ZNF654: variants seen among roughly 807,000 people sequenced by gnomAD.
The protein encoded by ZNF654 is melanoma-associated antigen.
Under a neutral mutation model 95.3 loss-of-function variants are expected in ZNF654, and 19 were observed. That is an observed-to-expected ratio of 0.20 (90% CI 0.14 to 0.29). The LOEUF is 0.29. Ranked by LOEUF, ZNF654 falls within the 10% of genes least tolerant of loss-of-function variation. The pLI is 1.00. For synonymous variants in ZNF654, 413 were observed against 457.9 expected (o/e 0.90, Z 1.25); for missense variants, 1,046 against 1,341.0 (o/e 0.78, Z 3.44).
At chr3:88,119,121 A>G (rs1453682643) in intron 3 of ZNF654, among the ~76,000 whole-genome samples, 3 of 148,738 alleles carry the variant, frequency 2.0e-5, no homozygotes, top group African/African-American at 7.5e-5. Context: ...AATAGCAAAG[A>G]CTTGGAACCA....
chr3:88,117,017 G>A (rs950897530), intron 3 of ZNF654, among the ~76,000 whole-genome samples: 13 of 152,210 alleles, frequency 8.5e-5, no homozygotes, highest in African/African-American at 2.9e-4. Flanking sequence ...GATCTGTTAC[G>A]TTTTTGCTGA....
intron 1 of ZNF654, 83 bp from the exon 2 acceptor site, chr3:88,086,174 A>G (rs905190619): frequency 1.6e-5 from 20 of 1,289,670 alleles, no homozygotes; most frequent in Non-Finnish European, 1.9e-5. Flanking sequence ...ATTTTAATTT[A>G]TCCAGTAACT....
chr3:88,140,539 A>G lies in ZNF654; in HGVS notation c.2870A>G (p.Asp957Gly), dbSNP rs1165546714. The G allele has an allele frequency of 1.9e-6, 3 of 1,613,790 alleles. No individual in the cohort carries two copies. The highest frequency in any genetic ancestry group is 2.5e-6 in the Non-Finnish European group (3 of 1,179,742). The stretch of plus-strand genomic sequence containing the variant: ...ACTGTTTCAAATATAAGCTTGATAG[A>G]CCAAAAGATGCCTGACATAGAGCCA... ...DDTVSNISLI[D>G]QKMPDIEPNS... The change falls in exon 8 of 9, where the codon GAC becomes GGC. Residue 957 changes from aspartate (D) to glycine (G), a missense_variant. Asp to Gly is a moderately conservative substitution (Grantham distance 94). Around this residue, in one of 9 missense-constraint regions of ZNF654, gnomAD observed 495 missense variants for 537.0 expected, o/e 0.92. Transcript: ENST00000636215.
chr3:88,071,313 C>G (rs1196265552), intron 1 of ZNF654, among the ~76,000 whole-genome samples: 1 of 151,826 alleles, frequency 6.6e-6, no homozygotes, highest in Non-Finnish European at 1.5e-5. Flanking sequence ...AGTTTGAGAC[C>G]AGCCTGGCCA....
intron 1 of ZNF654, among the ~76,000 whole-genome samples, chr3:88,076,926 C>T (rs1707835526): frequency 6.6e-6 from 1 of 152,116 alleles, no homozygotes; most frequent in South Asian, 2.1e-4. Context: ...AAGTAGCTAA[C>T]TCAAGAGGGA....
At chr3:88,114,584 C>T (rs1334552567) in intron 3 of ZNF654, among the ~76,000 whole-genome samples, 1 of 152,160 alleles carries the variant, frequency 6.6e-6, no homozygotes, top group Non-Finnish European at 1.5e-5. Context: ...CCTGCCTCCC[C>T]CAGCCTTTTA....
At chr3:88,101,205 T>C (rs1704402156) in intron 2 of ZNF654, among the ~76,000 whole-genome samples, 1 of 152,188 alleles carries the variant, frequency 6.6e-6, no homozygotes, top group African/African-American at 2.4e-5. Context: ...TATAGAGTTG[T>C]GCAACCATTA....
At position 88,142,883 on chromosome 3, in the gene ZNF654, A is replaced by T. The variant is rs1171746860; in HGVS notation, c.*1231A>T. The stretch of plus-strand genomic sequence containing the variant: ...TTCCTAAGAAGATTTTAACTTAATA[A>T]AGTGTTAAAACAATAAATATTTTTA... On this transcript the variant is annotated 3_prime_UTR_variant, in exon 9 of 9. Transcript: ENST00000636215. 1.3e-5 allele frequency: 2 copies of T among 152,284 alleles called. No individual in the cohort carries two copies. The highest frequency in any genetic ancestry group is 4.8e-5 in the African/African-American group (2 of 41,432). The allele number at this position is 152,284 out of a possible 1,614,324, so 9.4% of individuals were successfully genotyped here.
In ZNF654 at chr3:88,059,288, G is replaced by A. The variant is rs1434490705; in HGVS notation, c.-32G>A. 3.3e-6 allele frequency: 5 copies of A among 1,532,078 alleles called. No individual in the cohort carries two copies. The highest frequency in any genetic ancestry group is 4.4e-6 in the Non-Finnish European group (5 of 1,146,182). 94.9% of individuals were successfully genotyped at this position (1,532,078 alleles called of 1,614,324 possible). ...CATCTACGGCGGCGGCGGCGGCGCA[G>A]GGGCTGGTACGCGCTGGGCGGCGAG... On this transcript the variant is annotated 5_prime_UTR_variant, in exon 1 of 9. Coordinates refer to ENST00000636215, the MANE Select transcript of ZNF654 (RefSeq NM_001350134.2).
At chr3:88,060,747 A>C (rs1576170894) in intron 1 of ZNF654, among the ~76,000 whole-genome samples, 4 of 152,148 alleles carry the variant, frequency 2.6e-5, no homozygotes, top group Admixed American at 1.3e-4. Flanking sequence ...ATGTTTGCTG[A>C]CATTTCTTTC....
intron 1 of ZNF654, among the ~76,000 whole-genome samples, chr3:88,083,141 T>C (rs1041545911): frequency 6.6e-6 from 1 of 151,992 alleles, no homozygotes; most frequent in African/African-American, 2.4e-5. Flanking sequence ...TCATTTAAAC[T>C]TAATTACTTC....
At chr3:88,086,545 A>T in intron 2 of ZNF654, 143 bp downstream of exon 2, 1 of 765,578 alleles carries the variant, frequency 1.3e-6, no homozygotes, top group South Asian at 3.0e-5. Context: ...TGAAGTATTC[A>T]GGTTTAATTT....
intron 1 of ZNF654, among the ~76,000 whole-genome samples, chr3:88,080,498 TA>T (rs1708023811): frequency 1.3e-5 from 2 of 152,166 alleles, no homozygotes; most frequent in Admixed American, 1.3e-4. Context: ...AAAGTGATAT[TA>T]AATTCATTTT....
intron 7 of ZNF654, chr3:88,135,511 A>G (rs1297743333): frequency 1.6e-5 from 3 of 181,836 alleles, no homozygotes; most frequent in African/African-American, 4.7e-5. Flanking sequence ...TAATTTGCAA[A>G]TAAACTTGGT....
chr3:88,138,657 AT>A (rs1187077575), intron 7 of ZNF654, 47 bp from the exon 8 acceptor site: 7 of 1,157,760 alleles, frequency 6.0e-6, no homozygotes, highest in Non-Finnish European at 7.6e-6. Context: ...TAGTATAACC[AT>A]TTTTTTGGAA....
chr3:88,078,658 G>C (rs1707934703), intron 1 of ZNF654, among the ~76,000 whole-genome samples: 1 of 151,992 alleles, frequency 6.6e-6, no homozygotes, highest in African/African-American at 2.4e-5. Flanking sequence ...CATTAAATCA[G>C]GTCATTCCAA....
At chr3:88,077,617 A>G (rs1195739217) in intron 1 of ZNF654, among the ~76,000 whole-genome samples, 1 of 152,226 alleles carries the variant, frequency 6.6e-6, no homozygotes, top group Non-Finnish European at 1.5e-5. Context: ...TGTCAGAAAA[A>G]TTATACTGCT....
At chr3:88,084,563 A>G (rs1277464577) in intron 1 of ZNF654, among the ~76,000 whole-genome samples, 2 of 152,162 alleles carry the variant, frequency 1.3e-5, no homozygotes, top group Non-Finnish European at 2.9e-5. Context: ...TTCAGAGACA[A>G]TCTCCTTTAG....
intron 1 of ZNF654, among the ~76,000 whole-genome samples, chr3:88,069,567 T>A (rs1174466029): frequency 6.6e-6 from 1 of 152,194 alleles, no homozygotes; most frequent in East Asian, 1.9e-4. Context: ...AACAGGACAA[T>A]GTTTGCTTAC....
Sources: gnomAD v4.1 joint callset for allele counts (sites outside exome capture counted in the v4.1 genomes callset) on GRCh38, gnomAD v4.1.1 for gene constraint, gnomAD v4.1.1 regional missense constraint, MANE v1.5 for transcripts, NCBI Gene and HGNC (gene_info 2026-07-23, HGNC 2026-07-21) for gene names.